The following DCC variants were observed in gnomAD, a reference collection of about 807,000 sequenced individuals.
The protein encoded by DCC is DCC netrin 1 receptor.
Under a neutral mutation model 172.5 loss-of-function variants are expected in DCC, and 58 were observed. That is an observed-to-expected ratio of 0.34 (90% confidence interval 0.27 to 0.42). DCC has a LOEUF of 0.42. DCC is among the 10% of genes least tolerant of loss of function. The probability of loss-of-function intolerance (pLI) is 1.00; values close to 1 mark genes in which losing one functional copy is unlikely to be tolerated. For synonymous variants in DCC, 709 were observed against 644.5 expected (o/e 1.10, Z -1.52); for missense variants, 1,740 against 1,791.0 (o/e 0.97, Z 0.51).
At chr18:52,601,662 G>T (rs2034020396) in intron 1 of DCC, among the ~76,000 whole-genome samples, 1 of 151,990 alleles carries the variant, frequency 6.6e-6, no homozygotes, top group Non-Finnish European at 1.5e-5. Context: ...CTTAGAAACT[G>T]CTCTAACCCT....
chr18:53,117,962 C>A lies in DCC; in HGVS notation c.1262-39394C>A, dbSNP rs570460400. Among the ~76,000 whole-genome samples the A allele has an allele frequency of 1.2e-4, 18 of 151,884 alleles. No individual in the cohort carries two copies. In the South Asian group the frequency reaches 3.7e-3, roughly 32 times the overall value. On this transcript the variant is annotated intron_variant, in intron 7 of 28. Transcript: ENST00000442544. ...TGTCTTATGGGCCACACAAAACAGG[C>A]AGCCAGATGGATTTGGTCTTCAGGT...
intron 2 of DCC, among the ~76,000 whole-genome samples, chr18:52,836,531 C>A (rs879289561): frequency 2.0e-5 from 3 of 152,222 alleles, no homozygotes; most frequent in Non-Finnish European, 2.9e-5. Flanking sequence ...GAGCTACAGT[C>A]TCCATGCAAG....
intron 1 of DCC, among the ~76,000 whole-genome samples, chr18:52,403,040 C>T (rs1033790451): frequency 2.0e-5 from 3 of 151,982 alleles, no homozygotes; most frequent in African/African-American, 7.2e-5. Flanking sequence ...AATACCAAAT[C>T]ATTAACAGAA....
At chr18:52,865,094 T>C (rs2145368782) in intron 2 of DCC, among the ~76,000 whole-genome samples, 1 of 152,156 alleles carries the variant, frequency 6.6e-6, no homozygotes, top group East Asian at 2.0e-4. Context: ...CTTGATCTCC[T>C]GACCTCGTGA....
At chr18:52,496,983 T>C (rs2030778293) in intron 1 of DCC, among the ~76,000 whole-genome samples, 1 of 151,846 alleles carries the variant, frequency 6.6e-6, no homozygotes, top group Non-Finnish European at 1.5e-5. Context: ...CCAGGCATGG[T>C]GGTTCACACC....
chr18:53,457,899 A>AC (rs1176818277), intron 23 of DCC, among the ~76,000 whole-genome samples: 1 of 152,188 alleles, frequency 6.6e-6, no homozygotes, highest in Non-Finnish European at 1.5e-5. Context: ...TTCAAGAAAG[A>AC]CAAAAAAAAG....
intron 1 of DCC, among the ~76,000 whole-genome samples, chr18:52,410,928 A>C (rs1002301650): frequency 6.6e-6 from 1 of 152,184 alleles, no homozygotes; most frequent in Non-Finnish European, 1.5e-5. Context: ...ATCTCAGTAC[A>C]GTATTAATCT....
chr18:52,661,362 C>T (rs2144947824), intron 1 of DCC, among the ~76,000 whole-genome samples: 1 of 152,322 alleles, frequency 6.6e-6, no homozygotes, highest in East Asian at 1.9e-4. Context: ...AGAGGGAATG[C>T]TCTTTCTAGA....
chr18:52,690,091 G>A lies in DCC; in HGVS notation c.92-61963G>A, dbSNP rs571681383. 8.5e-5 allele frequency among the ~76,000 whole-genome samples: 13 copies of A among 152,268 alleles called. 1 individual carries two copies. The South Asian group carries it at 2.7e-3, about 32-fold the overall frequency. On this transcript the variant is annotated intron_variant, in intron 1 of 28. Transcript: ENST00000442544. Reference sequence around the variant, plus strand: ...CAAATGACTGTAGCCCAGACTGACAGCTTGACAGCAGCCTCAGGAGAGACC... The same window carrying A: ...CAAATGACTGTAGCCCAGACTGACAACTTGACAGCAGCCTCAGGAGAGACC...
chr18:53,066,397 ATG>A lies in DCC; in HGVS notation c.1261+234_1261+235del, dbSNP rs201223949. On this transcript the variant is annotated intron_variant, in intron 7 of 28. Transcript: ENST00000442544. ...TATATATATATATATATATATATATATGTGCATGTGTGTATGTGTGTGTTTGT... is the reference window on the plus strand; with the variant it reads ...TATATATATATATATATATATATATATGCATGTGTGTATGTGTGTGTTTGT... 8.0e-3 allele frequency among the ~76,000 whole-genome samples: 806 copies of A among 100,544 alleles called. 7 individuals are homozygous for A. The highest frequency in any genetic ancestry group is 0.011 in the Non-Finnish European group (532 of 46,812). The allele number at this position is 100,544 out of a possible 152,430, so 66.0% of individuals were successfully genotyped here.
chr18:53,010,695 A>G (rs138744112), intron 5 of DCC, among the ~76,000 whole-genome samples: 114 of 150,972 alleles, frequency 7.6e-4, no homozygotes, highest in African/African-American at 2.8e-3. Flanking sequence ...CATACATAAT[A>G]TATTTATATA....
At chr18:52,761,565 T>C (rs1029308539) in intron 2 of DCC, among the ~76,000 whole-genome samples, 5 of 152,174 alleles carry the variant, frequency 3.3e-5, no homozygotes, top group African/African-American at 7.2e-5. Flanking sequence ...ATATTTCTGA[T>C]AGAAATTCAA....
At chr18:52,941,502 G>GTGTGTATATATA (rs151312837) in intron 5 of DCC, among the ~76,000 whole-genome samples, 1 of 148,870 alleles carries the variant, frequency 6.7e-6, no homozygotes, top group African/African-American at 2.5e-5. Flanking sequence ...GTGTGTGTGT[G>GTGTGTATATATA]TATATATATA....
intron 8 of DCC, among the ~76,000 whole-genome samples, chr18:53,166,291 A>G (rs2054920773): frequency 6.6e-6 from 1 of 152,188 alleles, no homozygotes; most frequent in Admixed American, 6.5e-5. Context: ...TCAGTTTCAG[A>G]CAAGTTGTGC....
intron 5 of DCC, among the ~76,000 whole-genome samples, chr18:52,957,999 T>A (rs953034996): frequency 6.6e-6 from 1 of 152,128 alleles, no homozygotes; most frequent in Non-Finnish European, 1.5e-5. Flanking sequence ...ATAAGGCTAT[T>A]GCATTGATTC....
At chr18:52,852,463 C>A (rs2038990645) in intron 2 of DCC, among the ~76,000 whole-genome samples, 1 of 151,546 alleles carries the variant, frequency 6.6e-6, no homozygotes, top group South Asian at 2.1e-4. Context: ...AAACAAAAAA[C>A]AAAATATCTG....
chr18:52,770,298 A>C (rs1270770283), intron 2 of DCC, among the ~76,000 whole-genome samples: 3 of 152,144 alleles, frequency 2.0e-5, no homozygotes, highest in African/African-American at 7.2e-5. Context: ...AATTTCGTGG[A>C]AATCCTAAAC....
At chr18:52,966,991 C>A (rs2040942623) in intron 5 of DCC, among the ~76,000 whole-genome samples, 1 of 152,144 alleles carries the variant, frequency 6.6e-6, no homozygotes, top group Non-Finnish European at 1.5e-5. Flanking sequence ...TCTGCCTATT[C>A]TACTCCTCCC....
At chr18:53,065,767 C>A (rs2042557174) in intron 6 of DCC, among the ~76,000 whole-genome samples, 1 of 152,088 alleles carries the variant, frequency 6.6e-6, no homozygotes, top group Non-Finnish European at 1.5e-5. Context: ...TGTCTGTTGA[C>A]TGCTCATTTA....
Sources: gnomAD v4.1 joint callset for allele counts (sites outside exome capture counted in the v4.1 genomes callset) on GRCh38, gnomAD v4.1.1 for gene constraint, MANE v1.5 for transcripts, NCBI Gene and HGNC (gene_info 2026-07-23, HGNC 2026-07-21) for gene names.